C6: variants seen among roughly 807,000 people sequenced by gnomAD.
C6 encodes the protein complement C6, also known as complement component C6.
C6 carries 101 observed loss-of-function variants against 112.9 expected under a neutral mutation model. The ratio of observed to expected loss-of-function variants is 0.89; its 90% CI spans 0.76 to 1.06. The LOEUF is 1.06. C6 is among the 50% of genes least tolerant of loss of function. The pLI, the probability that C6 is intolerant of heterozygous loss-of-function variation, is 0.00. For missense variants in C6, 1,202 were observed against 1,104.6 expected (o/e 1.09, Z -1.25); for synonymous variants, 431 against 384.1 (o/e 1.12, Z -1.43).
chr5:41,250,660 A>C (rs747598883), intron 1 of C6, among the ~76,000 whole-genome samples: 11 of 152,154 alleles, frequency 7.2e-5, no homozygotes, highest in Non-Finnish European at 1.6e-4. Context: ...CTGGTCCTCT[A>C]GCTGGGACCT....
intron 6 of C6, among the ~76,000 whole-genome samples, chr5:41,184,647 T>G (rs553211998): frequency 4.5e-4 from 69 of 152,170 alleles, no homozygotes; most frequent in Non-Finnish European, 8.5e-4. Context: ...AAGTTTTGTA[T>G]TTTTAGTAGA....
At chr5:41,151,209 T>C (rs1746362312) in intron 15 of C6, among the ~76,000 whole-genome samples, 1 of 152,154 alleles carries the variant, frequency 6.6e-6, no homozygotes, top group African/African-American at 2.4e-5. Flanking sequence ...GGAGCTAATC[T>C]ATGAGGTTAT....
At chr5:41,257,222 G>A (rs1278369501) in intron 1 of C6, among the ~76,000 whole-genome samples, 2 of 151,898 alleles carry the variant, frequency 1.3e-5, no homozygotes, top group Non-Finnish European at 2.9e-5. Flanking sequence ...CCATCTTTGT[G>A]TCCACGTGTA....
upstream of C6, among the ~76,000 whole-genome samples, chr5:41,213,851 G>A (rs1313715440): frequency 6.6e-6 from 1 of 152,148 alleles, no homozygotes; most frequent in African/African-American, 2.4e-5. Flanking sequence ...CAATGTGATT[G>A]TGTATGTAGA....
rs1326802221 is a variant in C6, at chr5:41,142,697, CA to C, written c.*127del. On this transcript the variant is annotated 3_prime_UTR_variant, in exon 18 of 18. Coordinates refer to ENST00000337836, the MANE Select transcript of C6 (RefSeq NM_000065.5). ...GGGGAGAATAATGATCTCAAACTAA[CA>C]GAAAATAATTTTTGTCAGTAACTTT... 7.8e-6 allele frequency: 6 copies of C among 773,830 alleles called. No individual in the cohort carries two copies. The highest frequency in any genetic ancestry group is 6.8e-5 in the African/African-American group (4 of 58,628). 47.9% of individuals were successfully genotyped at this position (773,830 alleles called of 1,614,324 possible).
rs1751523902 is a variant in C6, at chr5:41,207,410, C to CATTA, written c.-20-4161_-20-4160insTAAT. 2.6e-5 allele frequency among the ~76,000 whole-genome samples: 4 copies of CATTA among 152,044 alleles called. No individual in the cohort carries two copies. In the South Asian group the frequency reaches 8.3e-4, roughly 32 times the overall value. ...CTTAAATGTAAATGGGCTAAATGCC[C>CATTA]CAATTAAAAGACATAGACTGGCAAA... On this transcript the variant is annotated intron_variant, in intron 1 of 17. Transcript: ENST00000337836.
At chr5:41,152,225 G>A (rs1330008049) in intron 15 of C6, among the ~76,000 whole-genome samples, 1 of 152,070 alleles carries the variant, frequency 6.6e-6, no homozygotes, top group Non-Finnish European at 1.5e-5. Context: ...GGATTCATAA[G>A]GAAATTACAC....
intron 8 of C6, among the ~76,000 whole-genome samples, chr5:41,172,834 T>A (rs1748541596): frequency 6.6e-6 from 1 of 152,160 alleles, no homozygotes; most frequent in Admixed American, 6.5e-5. Flanking sequence ...CTTCAATTGC[T>A]TCCCTGTTTG....
chr5:41,182,887 G>T (rs2150326494), intron 6 of C6, among the ~76,000 whole-genome samples: 1 of 152,326 alleles, frequency 6.6e-6, no homozygotes, highest in South Asian at 2.1e-4. Flanking sequence ...CATAAGGTTG[G>T]ACAAGTCTTA....
chr5:41,225,253 C>T (rs1382346066), intron 1 of C6, among the ~76,000 whole-genome samples: 1 of 152,038 alleles, frequency 6.6e-6, no homozygotes, highest in Non-Finnish European at 1.5e-5. Context: ...GTGTGACGTT[C>T]CCCTTCCTGT....
chr5:41,234,975 C>G (rs1473228002), intron 1 of C6, among the ~76,000 whole-genome samples: 1 of 150,672 alleles, frequency 6.6e-6, no homozygotes, highest in Non-Finnish European at 1.5e-5. Context: ...CTTCTATTCA[C>G]TGTGAAGATG....
intron 8 of C6, among the ~76,000 whole-genome samples, chr5:41,173,439 G>A (rs968794854): frequency 1.3e-5 from 2 of 152,060 alleles, no homozygotes; most frequent in Non-Finnish European, 2.9e-5. Flanking sequence ...GGTAATTGAG[G>A]GAAATCAACA....
upstream of C6, among the ~76,000 whole-genome samples, chr5:41,218,283 A>G (rs1011769475): frequency 1.3e-5 from 2 of 152,186 alleles, no homozygotes; most frequent in Admixed American, 6.6e-5. Flanking sequence ...TCTTTTCATC[A>G]TATTCACTGT....
intron 1 of C6, among the ~76,000 whole-genome samples, chr5:41,203,994 C>A (rs113235303): frequency 1.3e-5 from 2 of 152,106 alleles, no homozygotes; most frequent in Non-Finnish European, 1.5e-5. Flanking sequence ...ACAGGTTGAG[C>A]GGAAAAATCT....
At chr5:41,178,470 T>TC (rs1224528230) in intron 7 of C6, among the ~76,000 whole-genome samples, 32 of 64,468 alleles carry the variant, frequency 5.0e-4, no homozygotes, top group African/African-American at 1.7e-3. Flanking sequence ...CTTTTTCTTT[T>TC]TTTTTTTTTT....
rs937522348 is a variant in C6, at chr5:41,172,284, G to A, written c.1232C>T (p.Ala411Val). 5 of 1,613,466 alleles carry A rather than the reference G, an allele frequency of 3.1e-6. No individual in the cohort carries two copies. The Admixed American group carries it at 6.7e-5, about 22-fold the overall frequency. ...CCTATGTTCCACTTTTGTTTTCTTA[G>A]CAAATAAAACGCGTTTCTTTGTTTC... ...RIETKKRVLF[A>V]KKTKVEHRCT... The change falls in exon 9 of 18, where the codon GCT (alanine) becomes GTT (valine). Residue 411 changes from alanine (A) to valine (V), a missense_variant. Transcript: ENST00000337836.
Position 41,199,751 on chromosome 5 carries a change from T to C in C6, c.445+17A>G. The stretch of plus-strand genomic sequence containing the variant: ...CTATTTTTAGTGGGGACTGAACATT[T>C]CACAAAAATACATTACCACTGTCAC... On this transcript the variant is annotated intron_variant, in intron 4 of 17. Transcript: ENST00000337836. 2 of 1,612,970 alleles carry C rather than the reference T, an allele frequency of 1.2e-6. No homozygotes were observed. The highest frequency in any genetic ancestry group is 1.7e-6 in the Non-Finnish European group (2 of 1,179,116).
upstream of C6, among the ~76,000 whole-genome samples, chr5:41,218,236 G>A (rs141778947): frequency 1.3e-3 from 203 of 152,158 alleles, 1 homozygote; most frequent in East Asian, 0.014. Flanking sequence ...CACAGAAATC[G>A]TAACTTCCCT....
chr5:41,204,481 T>C (rs576647277), intron 1 of C6, among the ~76,000 whole-genome samples: 1 of 152,302 alleles, frequency 6.6e-6, no homozygotes, highest in Non-Finnish European at 1.5e-5. Context: ...TTTCTGATTA[T>C]ATTTCTACGT....
Sources: gnomAD v4.1 joint callset for allele counts (sites outside exome capture counted in the v4.1 genomes callset) on GRCh38, gnomAD v4.1.1 for gene constraint, MANE v1.5 for transcripts, NCBI Gene and HGNC (gene_info 2026-07-23, HGNC 2026-07-21) for gene names.